HS3ST4: variants seen among roughly 807,000 people sequenced by gnomAD.
HS3ST4 encodes the protein heparan sulfate-glucosamine 3-sulfotransferase 4.
HS3ST4 carries 17 observed loss-of-function variants against 29.2 expected under a neutral mutation model. The ratio of observed to expected loss-of-function variants is 0.58; its 90% CI spans 0.40 to 0.87. The LOEUF is 0.87. Ranked by LOEUF, HS3ST4 falls within the 40% of genes least tolerant of loss-of-function variation. HS3ST4 has a pLI of 0.00. For missense variants in HS3ST4, 627 were observed against 634.5 expected, an observed-to-expected ratio of 0.99 and a Z score of 0.13; for synonymous variants, 314 against 285.7, an observed-to-expected ratio of 1.10 and a Z score of -1.00.
At chr16:25,796,884 C>T (rs1460527023) in intron 1 of HS3ST4, among the ~76,000 whole-genome samples, 1 of 152,124 alleles carries the variant, frequency 6.6e-6, no homozygotes, top group African/African-American at 2.4e-5. Flanking sequence ...AACTTCCGGG[C>T]GTTGCGGTCG....
intron 1 of HS3ST4, among the ~76,000 whole-genome samples, chr16:25,926,413 C>T (rs774338543): frequency 3.3e-5 from 5 of 152,230 alleles, no homozygotes; most frequent in Non-Finnish European, 5.9e-5. Flanking sequence ...AATACCAAGA[C>T]CACCTTGTTA....
chr16:26,041,666 G>A (rs1037250024), intron 1 of HS3ST4, among the ~76,000 whole-genome samples: 5 of 151,918 alleles, frequency 3.3e-5, no homozygotes, highest in East Asian at 1.9e-4. Context: ...CTTGGCTGTC[G>A]AGACATAGAA....
At chr16:26,017,411 T>G (rs867739447) in intron 1 of HS3ST4, among the ~76,000 whole-genome samples, 2 of 152,140 alleles carry the variant, frequency 1.3e-5, no homozygotes, top group African/African-American at 4.8e-5. Flanking sequence ...GTGTGTTGGT[T>G]GATATTGGCT....
intron 1 of HS3ST4, among the ~76,000 whole-genome samples, chr16:25,843,927 C>A (rs192126183): frequency 1.3e-5 from 2 of 152,258 alleles, no homozygotes; most frequent in Admixed American, 1.3e-4. Flanking sequence ...CATGTTGCCC[C>A]AGTCTCCTAA....
In HS3ST4 at chr16:26,041,240, G is replaced by A. The variant is rs569763542; in HGVS notation, c.735-94372G>A. Among the ~76,000 whole-genome samples, 66 of 152,242 alleles carry A rather than the reference G, an allele frequency of 4.3e-4. No homozygotes were observed. In the Middle Eastern group the frequency reaches 0.01, roughly 24 times the overall value. ...GCCTGTGGTCCCAGCTGCTCCGGAG[G>A]CTGAGGTGGGAGGATCGATTGAACC... On this transcript the variant is annotated intron_variant, in intron 1 of 1. Coordinates refer to ENST00000331351, the MANE Select transcript of HS3ST4 (RefSeq NM_006040.3).
At chr16:26,007,124 G>A (rs1446858726) in intron 1 of HS3ST4, among the ~76,000 whole-genome samples, 5 of 152,138 alleles carry the variant, frequency 3.3e-5, no homozygotes, top group Admixed American at 6.5e-5. Context: ...TTGAACTATC[G>A]GAAGATCTGA....
chr16:25,853,129 T>C (rs1291709644), intron 1 of HS3ST4, among the ~76,000 whole-genome samples: 2 of 152,212 alleles, frequency 1.3e-5, no homozygotes, highest in African/African-American at 4.8e-5. Context: ...ACCTTAGTAT[T>C]TTACCTTATA....
chr16:25,934,493 C>T (rs892179225), intron 1 of HS3ST4, among the ~76,000 whole-genome samples: 5 of 152,170 alleles, frequency 3.3e-5, no homozygotes, highest in Non-Finnish European at 7.3e-5. Context: ...TCAGGAAAGG[C>T]AGCTTTGCAG....
intron 1 of HS3ST4, among the ~76,000 whole-genome samples, chr16:25,980,724 C>T (rs975261324): frequency 2.0e-5 from 3 of 152,156 alleles, no homozygotes; most frequent in African/African-American, 7.2e-5. Context: ...TATGATAAAA[C>T]ACAGACAAGG....
At chr16:25,693,651 T>C (rs1350276365) in intron 1 of HS3ST4, among the ~76,000 whole-genome samples, 1 of 152,210 alleles carries the variant, frequency 6.6e-6, no homozygotes, top group Non-Finnish European at 1.5e-5. Context: ...GCAAAATGAA[T>C]AGGGAACAGT....
chr16:25,840,536 A>G (rs1340890622), intron 1 of HS3ST4, among the ~76,000 whole-genome samples: 2 of 152,224 alleles, frequency 1.3e-5, no homozygotes, highest in African/African-American at 2.4e-5. Context: ...CTATGCAAAT[A>G]GTTCTTAGAT....
intron 1 of HS3ST4, among the ~76,000 whole-genome samples, chr16:26,073,573 A>G (rs946228113): frequency 2.6e-5 from 4 of 152,116 alleles, no homozygotes; most frequent in Non-Finnish European, 5.9e-5. Context: ...GGGTCTCACT[A>G]TGTTGCCCAA....
chr16:25,729,396 C>A (rs1220944277), intron 1 of HS3ST4, among the ~76,000 whole-genome samples: 2 of 152,200 alleles, frequency 1.3e-5, no homozygotes, highest in Non-Finnish European at 2.9e-5. Flanking sequence ...ACGCCCACAT[C>A]CTTCTGATTT....
intron 1 of HS3ST4, among the ~76,000 whole-genome samples, chr16:25,897,448 T>A (rs941257489): frequency 6.6e-6 from 1 of 151,796 alleles, no homozygotes; most frequent in Non-Finnish European, 1.5e-5. Flanking sequence ...TGAGATCCTG[T>A]CCCCCCACAA....
chr16:25,692,459 TCCACCTCTGGCCGCGCCGCCG>T lies in HS3ST4; in HGVS notation c.45_65del (p.Leu17_Pro23del), dbSNP rs1318385538. 7.5e-7 allele frequency: 1 copy of T among 1,327,464 alleles called. No homozygotes were observed. Among genetic ancestry groups the T allele is most frequent in the African/African-American group, 1.6e-5 (1 of 63,638 alleles). The allele number at this position is 1,327,464 out of a possible 1,614,324, so 82.2% of individuals were successfully genotyped here. On this transcript the variant is annotated inframe_deletion, in exon 1 of 2. Transcript: ENST00000331351. ...CACCTCCTCCGCCTCCGCCTCCGCCTCCACCTCTGGCCGCGCCGCCGCCGCCCGGCGCCTCTGCTAAGGGGC... is the reference window on the plus strand; with the variant it reads ...CACCTCCTCCGCCTCCGCCTCCGCCTCCGCCCGGCGCCTCTGCTAAGGGGC...
chr16:25,852,936 T>C (rs1967536284), intron 1 of HS3ST4, among the ~76,000 whole-genome samples: 1 of 152,176 alleles, frequency 6.6e-6, no homozygotes, highest in Non-Finnish European at 1.5e-5. Context: ...AAATGTATAC[T>C]CAGTTGTGTC....
chr16:26,061,506 G>A (rs1898475852), intron 1 of HS3ST4, among the ~76,000 whole-genome samples: 1 of 152,192 alleles, frequency 6.6e-6, no homozygotes. Context: ...TGATCAGGAG[G>A]TGGGTAGATT....
At chr16:25,867,399 T>C (rs1427219024) in intron 1 of HS3ST4, among the ~76,000 whole-genome samples, 1 of 152,114 alleles carries the variant, frequency 6.6e-6, no homozygotes, top group East Asian at 1.9e-4. Flanking sequence ...AGGTCAACTC[T>C]TAGATTTGAA....
chr16:25,751,716 A>G (rs2141602120), intron 1 of HS3ST4, among the ~76,000 whole-genome samples: 1 of 152,318 alleles, frequency 6.6e-6, no homozygotes, highest in South Asian at 2.1e-4. Context: ...GCTGGTGTGG[A>G]GTAAGCAGGA....
Sources: allele counts gnomAD v4.1 joint callset (sites outside exome capture counted in the v4.1 genomes callset), GRCh38; gene constraint gnomAD v4.1.1; transcripts MANE v1.5; gene names NCBI Gene and HGNC (gene_info 2026-07-23, HGNC 2026-07-21).